Variants in SNTG1 observed in about 807,000 individuals in gnomAD.
SNTG1 encodes syntrophin gamma 1, also known as gamma-1-syntrophin.
A neutral mutation model predicts 74.7 loss-of-function variants in SNTG1; 39 were observed. The ratio of observed to expected loss-of-function variants is 0.52; its 90% CI spans 0.40 to 0.68. The LOEUF is 0.68. SNTG1 is among the 30% of genes least tolerant of loss of function. The probability of loss-of-function intolerance (pLI) is 0.00; values close to 1 mark genes in which losing one functional copy is unlikely to be tolerated. For synonymous variants in SNTG1, 254 were observed against 217.1 expected (o/e 1.17, Z -1.49); for missense variants, 685 against 609.5 (o/e 1.12, Z -1.30).
chr8:50,576,668 G>C (rs897212462), intron 12 of SNTG1, among the ~76,000 whole-genome samples: 1 of 151,140 alleles, frequency 6.6e-6, no homozygotes, highest in African/African-American at 2.4e-5. Context: ...TTTTATAAGC[G>C]TTTCACCTCT....
intron 1 of SNTG1, among the ~76,000 whole-genome samples, chr8:50,090,588 C>A (rs1021477904): frequency 7.9e-5 from 12 of 152,080 alleles, no homozygotes; most frequent in Admixed American, 3.3e-4. Context: ...ATTAGCTTGG[C>A]CGGGTGAAGA....
intron 13 of SNTG1, among the ~76,000 whole-genome samples, chr8:50,605,794 G>A (rs1201531271): frequency 6.6e-6 from 1 of 151,966 alleles, no homozygotes; most frequent in Non-Finnish European, 1.5e-5. Context: ...TGGGGAGAGG[G>A]GATTATCCAC....
chr8:50,448,658 T>C (rs968671565), intron 5 of SNTG1, among the ~76,000 whole-genome samples: 1 of 152,206 alleles, frequency 6.6e-6, no homozygotes, highest in Non-Finnish European at 1.5e-5. Context: ...TTTCCGTTTT[T>C]AAGGATTTAT....
At chr8:50,070,705 C>T (rs1280813848) in intron 1 of SNTG1, among the ~76,000 whole-genome samples, 1 of 152,198 alleles carries the variant, frequency 6.6e-6, no homozygotes, top group Non-Finnish European at 1.5e-5. Context: ...TTCTCTATTG[C>T]TGCATAACAC....
At chr8:50,165,063 AC>A (rs1460185694) in intron 1 of SNTG1, among the ~76,000 whole-genome samples, 9 of 152,258 alleles carry the variant, frequency 5.9e-5, no homozygotes, top group Middle Eastern at 3.4e-3. Context: ...ACACACACAC[AC>A]AAAAAATGTT....
chr8:50,427,028 A>C (rs2093172257), intron 4 of SNTG1, among the ~76,000 whole-genome samples: 1 of 152,132 alleles, frequency 6.6e-6, no homozygotes, highest in African/African-American at 2.4e-5. Flanking sequence ...TATATGAGGG[A>C]CTTGAGCATC....
rs1283618665 is a variant in SNTG1, at chr8:49,925,442, GTATC to G, written c.-103+13213_-103+13216del. Reference sequence around the variant, plus strand: ...CCTGAACTAATTTGCCTGTGTGTGTGTATCTGTCTGTCTGTCTGTCTGTCTGTCT... The same window carrying G: ...CCTGAACTAATTTGCCTGTGTGTGTGTGTCTGTCTGTCTGTCTGTCTGTCT... On this transcript the variant is annotated intron_variant, in intron 1 of 18. Coordinates refer to ENST00000642720, the MANE Select transcript of SNTG1 (RefSeq NM_018967.5). 4.7e-5 allele frequency among the ~76,000 whole-genome samples: 7 copies of G among 148,338 alleles called. No individual in the cohort carries two copies. The East Asian group carries it at 1.4e-3, about 29-fold the overall frequency.
At chr8:50,416,292 G>A (rs1367322196) in intron 4 of SNTG1, among the ~76,000 whole-genome samples, 1 of 152,086 alleles carries the variant, frequency 6.6e-6, no homozygotes, top group Non-Finnish European at 1.5e-5. Context: ...AGTCACACAT[G>A]TGCACATGCA....
intron 15 of SNTG1, among the ~76,000 whole-genome samples, chr8:50,696,822 T>A (rs961829757): frequency 6.6e-6 from 1 of 152,170 alleles, no homozygotes; most frequent in Non-Finnish European, 1.5e-5. Flanking sequence ...TTTATGCCAG[T>A]ACCATGCTAT....
At chr8:50,556,155 C>G (rs118074173) in intron 12 of SNTG1, among the ~76,000 whole-genome samples, 1,796 of 152,208 alleles carry the variant, frequency 0.012, 20 homozygotes, top group Middle Eastern at 0.031. Context: ...CAGAGTGGCT[C>G]CAAAATATTT....
chr8:50,619,952 T>C (rs557433327), intron 13 of SNTG1, among the ~76,000 whole-genome samples: 3 of 151,260 alleles, frequency 2.0e-5, no homozygotes, highest in African/African-American at 7.3e-5. Flanking sequence ...TAGTTTTGCA[T>C]TGCAGCCATA....
At chr8:49,928,112 G>A (rs912855381) in intron 1 of SNTG1, among the ~76,000 whole-genome samples, 2 of 150,420 alleles carry the variant, frequency 1.3e-5, no homozygotes, top group African/African-American at 4.9e-5. Flanking sequence ...CTGGGCAACA[G>A]AGTGAGACTC....
chr8:50,261,956 A>T (rs1241824087), intron 2 of SNTG1, among the ~76,000 whole-genome samples: 1 of 152,170 alleles, frequency 6.6e-6, no homozygotes, highest in African/African-American at 2.4e-5. Flanking sequence ...AATGGTCTCT[A>T]TGCACCTATT....
chr8:50,138,365 C>T (rs1297777906), intron 1 of SNTG1, among the ~76,000 whole-genome samples: 2 of 151,844 alleles, frequency 1.3e-5, no homozygotes, highest in African/African-American at 4.8e-5. Context: ...ACCTATAATC[C>T]CAGCACTTTT....
At chr8:50,160,429 A>G (rs1303367822) in intron 1 of SNTG1, among the ~76,000 whole-genome samples, 1 of 152,202 alleles carries the variant, frequency 6.6e-6, no homozygotes, top group Non-Finnish European at 1.5e-5. Flanking sequence ...TTCCAAGAAG[A>G]AAACCTCTCA....
At chr8:50,074,855 G>A (rs543559385) in intron 1 of SNTG1, among the ~76,000 whole-genome samples, 2 of 152,150 alleles carry the variant, frequency 1.3e-5, no homozygotes, top group Non-Finnish European at 2.9e-5. Context: ...GAGGGAGTGG[G>A]GAAGGACAGG....
intron 13 of SNTG1, among the ~76,000 whole-genome samples, chr8:50,601,280 G>T (rs1395983717): frequency 6.7e-6 from 1 of 148,754 alleles, no homozygotes; most frequent in Non-Finnish European, 1.5e-5. Context: ...TTTCCTCTTA[G>T]CTCTGCTTTT....
intron 18 of SNTG1, among the ~76,000 whole-genome samples, chr8:50,756,025 A>G (rs2095579540): frequency 6.7e-6 from 1 of 149,866 alleles, no homozygotes; most frequent in South Asian, 2.1e-4. Flanking sequence ...TAATATTTTC[A>G]TACGCTAATT....
chr8:50,447,600 T>C (rs1395451291), intron 5 of SNTG1, among the ~76,000 whole-genome samples: 1 of 150,598 alleles, frequency 6.6e-6, no homozygotes, highest in Non-Finnish European at 1.5e-5. Context: ...CATTCATTCA[T>C]TCATTCAACT....
Sources: allele counts gnomAD v4.1 joint callset (sites outside exome capture counted in the v4.1 genomes callset), GRCh38; gene constraint gnomAD v4.1.1; transcripts MANE v1.5; gene names NCBI Gene and HGNC (gene_info 2026-07-23, HGNC 2026-07-21).